TADA2A: variants seen among roughly 807,000 people sequenced by gnomAD.
TADA2A encodes the protein transcriptional adaptor 2A.
Under a neutral mutation model 67.4 loss-of-function variants are expected in TADA2A, and 38 were observed. The ratio of observed to expected loss-of-function variants is 0.56; its 90% CI spans 0.44 to 0.74. The LOEUF (loss-of-function observed/expected upper bound fraction) is 0.74. TADA2A is among the 30% of genes least tolerant of loss of function. The probability of loss-of-function intolerance (pLI) is 0.00; values close to 1 mark genes in which losing one functional copy is unlikely to be tolerated. For synonymous variants in TADA2A, 192 were observed against 181.6 expected, an observed-to-expected ratio of 1.06 and a Z score of -0.46; for missense variants, 454 against 547.0, an observed-to-expected ratio of 0.83 and a Z score of 1.70.
chr17:37,438,660 TATTC>T (rs2052804607), intron 5 of TADA2A, among the ~76,000 whole-genome samples: 1 of 152,232 alleles, frequency 6.6e-6, no homozygotes, highest in Admixed American at 6.5e-5. Flanking sequence ...ATTTTGCTTG[TATTC>T]ATTCATTCAG....
At chr17:37,475,818 T>C (rs1223577746) in intron 15 of TADA2A, among the ~76,000 whole-genome samples, 2 of 152,216 alleles carry the variant, frequency 1.3e-5, no homozygotes, top group African/African-American at 4.8e-5. Context: ...AGACATGTCT[T>C]CATATTGATT....
chr17:37,458,420 A>G, intron 8 of TADA2A, 104 bp from the exon 9 acceptor site: 1 of 655,932 alleles, frequency 1.5e-6, no homozygotes, highest in Non-Finnish European at 2.1e-6. Flanking sequence ...TAGCAATATG[A>G]GGTTCAAAGT....
At chr17:37,456,191 C>T (rs1485696595) in intron 8 of TADA2A, among the ~76,000 whole-genome samples, 1 of 152,112 alleles carries the variant, frequency 6.6e-6, no homozygotes, top group Admixed American at 6.5e-5. Flanking sequence ...CAGAGCGAGA[C>T]TCCATCTCAA....
At chr17:37,417,967 T>A (rs568037740) in intron 2 of TADA2A, among the ~76,000 whole-genome samples, 1 of 152,326 alleles carries the variant, frequency 6.6e-6, no homozygotes, top group East Asian at 1.9e-4. Flanking sequence ...TTAGACATAA[T>A]TACAATAGAA....
chr17:37,449,064 A>G (rs1420206215), intron 8 of TADA2A, among the ~76,000 whole-genome samples: 1 of 151,500 alleles, frequency 6.6e-6, no homozygotes, highest in Non-Finnish European at 1.5e-5. Flanking sequence ...TCTATCGCCT[A>G]GGCTGGAGTG....
chr17:37,474,308 G>A (rs2053850413), intron 14 of TADA2A, among the ~76,000 whole-genome samples: 1 of 152,182 alleles, frequency 6.6e-6, no homozygotes, highest in Admixed American at 6.5e-5. Flanking sequence ...AGGTATGTGT[G>A]ACTGTATGTG....
intron 4 of TADA2A, among the ~76,000 whole-genome samples, chr17:37,435,095 A>T (rs2052682437): frequency 6.6e-6 from 1 of 152,104 alleles, no homozygotes; most frequent in Non-Finnish European, 1.5e-5. Flanking sequence ...AAAAATACAA[A>T]ATTAGCCAGG....
At chr17:37,453,124 T>G (rs2053278575) in intron 8 of TADA2A, among the ~76,000 whole-genome samples, 1 of 152,118 alleles carries the variant, frequency 6.6e-6, no homozygotes, top group Non-Finnish European at 1.5e-5. Flanking sequence ...GCATGTAAGA[T>G]TTTGGTATTG....
chr17:37,451,799 C>CA, intron 8 of TADA2A, among the ~76,000 whole-genome samples: 1 of 151,282 alleles, frequency 6.6e-6, no homozygotes, highest in East Asian at 2.0e-4. Flanking sequence ...GCCTGGCCAA[C>CA]ACGGTGAAAC....
intron 9 of TADA2A, among the ~76,000 whole-genome samples, chr17:37,461,227 T>C (rs951882147): frequency 3.3e-5 from 5 of 152,070 alleles, no homozygotes; most frequent in African/African-American, 1.2e-4. Flanking sequence ...ATCGCGCTCC[T>C]GTGAGAATCT....
chr17:37,449,986 G>T lies in TADA2A; in HGVS notation c.604+5218G>T, dbSNP rs1046555443. 2.0e-5 allele frequency among the ~76,000 whole-genome samples: 3 copies of T among 152,288 alleles called. 1 individual carries two copies. The highest frequency in any genetic ancestry group is 1.5e-5 in the Non-Finnish European group (1 of 68,028). ...GTTAAGTAATTTGCCTAATCCAGGG[G>T]TGTCAATCTTTTGGCTTCCCTGGCC... On this transcript the variant is annotated intron_variant, in intron 8 of 15. Transcript: ENST00000615182.
rs1311366529 is a variant in TADA2A, at chr17:37,478,228, CTG to C, written c.*1248_*1249del. On this transcript the variant is annotated 3_prime_UTR_variant, in exon 16 of 16. Coordinates refer to ENST00000615182, the MANE Select transcript of TADA2A (RefSeq NM_001166105.3). ...AGGTGGCACCGGATATAACATGTCTCTGTTATTTTTAGAATTAATTAAAATGT... is the reference window on the plus strand; with the variant it reads ...AGGTGGCACCGGATATAACATGTCTCTTATTTTTAGAATTAATTAAAATGT... 6.6e-6 allele frequency: 1 copy of C among 151,982 alleles called. No individual in the cohort carries two copies. The highest frequency in any genetic ancestry group is 1.5e-5 in the Non-Finnish European group (1 of 68,008). 9.4% of individuals were successfully genotyped at this position (151,982 alleles called of 1,614,324 possible).
intron 8 of TADA2A, among the ~76,000 whole-genome samples, chr17:37,457,595 T>G (rs1046910228): frequency 7.5e-5 from 11 of 147,156 alleles, no homozygotes; most frequent in African/African-American, 2.8e-4. Context: ...CTCCTGGCTT[T>G]GAACGATTCT....
intron 1 of TADA2A, among the ~76,000 whole-genome samples, chr17:37,409,932 G>A (rs544960358): frequency 7.2e-5 from 11 of 151,918 alleles, no homozygotes; most frequent in Middle Eastern, 3.4e-3. Flanking sequence ...TTTGGAGGCC[G>A]AGGTGGGCGG....
At chr17:37,465,056 G>GT (rs2053633411) in intron 10 of TADA2A, among the ~76,000 whole-genome samples, 1 of 150,404 alleles carries the variant, frequency 6.6e-6, no homozygotes, top group African/African-American at 2.5e-5. Flanking sequence ...GTTGAGGTAG[G>GT]AGAATTGCTT....
chr17:37,438,055 G>T, intron 5 of TADA2A: 1 of 470,492 alleles, frequency 2.1e-6, no homozygotes. Flanking sequence ...GCTTTAAAAG[G>T]CCACTTTGGA....
intron 8 of TADA2A, chr17:37,454,871 G>A: frequency 4.5e-6 from 1 of 222,486 alleles, no homozygotes; most frequent in African/African-American, 2.3e-5. Context: ...TGCTGCTAAG[G>A]CAGCATCTAC....
At chr17:37,469,150 A>G (rs2053730842) in intron 12 of TADA2A, among the ~76,000 whole-genome samples, 1 of 149,672 alleles carries the variant, frequency 6.7e-6, no homozygotes, top group Admixed American at 6.6e-5. Flanking sequence ...CAGGTGATCC[A>G]CCCACCTCAG....
At chr17:37,440,395 TGA>T (rs2052877479) in intron 5 of TADA2A, 108 bp from the exon 6 acceptor site, 1 of 1,232,846 alleles carries the variant, frequency 8.1e-7, no homozygotes, top group African/African-American at 1.5e-5. Flanking sequence ...TTTGGAAATA[TGA>T]GAGTATATTA....
Sources: gnomAD v4.1 joint callset for allele counts (sites outside exome capture counted in the v4.1 genomes callset) on GRCh38, gnomAD v4.1.1 for gene constraint, MANE v1.5 for transcripts, NCBI Gene and HGNC (gene_info 2026-07-23, HGNC 2026-07-21) for gene names.